ARHGEF33: variants seen among roughly 807,000 people sequenced by gnomAD.
ARHGEF33 encodes DH and coiled-coil domain-containing protein ENSP00000381780.
A neutral mutation model predicts 101.9 loss-of-function variants in ARHGEF33; 72 were observed. The observed-to-expected ratio is 0.71, with a 90% CI of 0.58 to 0.86. The LOEUF (loss-of-function observed/expected upper bound fraction) is 0.86. Among genes scored for constraint, ARHGEF33 ranks in the 40% least tolerant of loss-of-function variants. ARHGEF33 has a pLI of 0.00. For missense variants in ARHGEF33, 1,169 were observed against 1,111.3 expected (o/e 1.05, Z -0.74); for synonymous variants, 499 against 442.5 (o/e 1.13, Z -1.60).
At chr2:38,914,324 A>G (rs1438553149) in intron 2 of ARHGEF33, among the ~76,000 whole-genome samples, 1 of 152,226 alleles carries the variant, frequency 6.6e-6, no homozygotes. Context: ...CAGTGGAGAA[A>G]TGATTAACAC....
At chr2:38,931,960 G>A (rs1667014331) in intron 7 of ARHGEF33, among the ~76,000 whole-genome samples, 1 of 152,142 alleles carries the variant, frequency 6.6e-6, no homozygotes, top group Admixed American at 6.5e-5. Flanking sequence ...CTGTCAGTGT[G>A]TCAAAGACAG....
intron 4 of ARHGEF33, among the ~76,000 whole-genome samples, chr2:38,923,244 C>T (rs1037114942): frequency 6.6e-6 from 1 of 152,070 alleles, no homozygotes; most frequent in African/African-American, 2.4e-5. Context: ...TAACCCCATC[C>T]TTGTTTTAAA....
intron 10 of ARHGEF33, among the ~76,000 whole-genome samples, chr2:38,949,576 C>T (rs535678483): frequency 2.7e-4 from 41 of 152,056 alleles, no homozygotes; most frequent in Non-Finnish European, 5.3e-4. Context: ...AAAGGAGGTA[C>T]ATTGCAAGAT....
intron 2 of ARHGEF33, among the ~76,000 whole-genome samples, chr2:38,912,321 C>G (rs948773117): frequency 1.3e-5 from 2 of 152,196 alleles, no homozygotes; most frequent in East Asian, 1.9e-4. Flanking sequence ...TGAAGAATTA[C>G]TAGGCTCAGA....
chr2:38,939,532 G>T (rs1667246764), intron 9 of ARHGEF33, among the ~76,000 whole-genome samples: 1 of 152,232 alleles, frequency 6.6e-6, no homozygotes, highest in Admixed American at 6.5e-5. Flanking sequence ...TCTCAGGGAT[G>T]TGTACTGGTA....
intron 10 of ARHGEF33, among the ~76,000 whole-genome samples, chr2:38,948,576 AAGGGAGGAAGAAAGGG>A (rs1558438983): frequency 6.6e-6 from 1 of 151,946 alleles, no homozygotes; most frequent in Non-Finnish European, 1.5e-5. Flanking sequence ...GGGAGAGAGG[AAGGGAGGAAGAAAGGG>A]AGGGAGGGAG....
At chr2:38,952,763 A>G (rs1452604868) in intron 11 of ARHGEF33, among the ~76,000 whole-genome samples, 1 of 151,814 alleles carries the variant, frequency 6.6e-6, no homozygotes, top group Admixed American at 6.6e-5. Context: ...CAGTGGTGCA[A>G]TCTCGGCTCA....
chr2:38,938,139 G>A (rs938685394), intron 9 of ARHGEF33, among the ~76,000 whole-genome samples: 11 of 152,130 alleles, frequency 7.2e-5, no homozygotes, highest in African/African-American at 1.4e-4. Context: ...TCTTTTGACC[G>A]TTTTTTCTGG....
intron 1 of ARHGEF33, among the ~76,000 whole-genome samples, chr2:38,892,325 T>TA (rs1383552816): frequency 6.6e-6 from 1 of 152,146 alleles, no homozygotes; most frequent in South Asian, 2.1e-4. Flanking sequence ...TTATGCTCTC[T>TA]AAAAAAATCT....
intron 1 of ARHGEF33, 23 bp from the exon 2 acceptor site, chr2:38,895,753 CG>C (rs1434457274): frequency 6.8e-6 from 1 of 148,078 alleles, no homozygotes; most frequent in African/African-American, 2.5e-5. Context: ...TTATCAATGG[CG>C]TTTTTTTTTT....
At chr2:38,910,662 T>G (rs1477784977) in intron 2 of ARHGEF33, among the ~76,000 whole-genome samples, 2 of 152,252 alleles carry the variant, frequency 1.3e-5, no homozygotes, top group Non-Finnish European at 2.9e-5. Context: ...TTCTCTGAAT[T>G]GGTGGTTACA....
At chr2:38,939,392 TA>T (rs1019430743) in intron 9 of ARHGEF33, among the ~76,000 whole-genome samples, 2 of 152,178 alleles carry the variant, frequency 1.3e-5, no homozygotes, top group African/African-American at 4.8e-5. Context: ...TGTTTAACTT[TA>T]AAAGAAAATG....
intron 11 of ARHGEF33, among the ~76,000 whole-genome samples, chr2:38,951,386 C>T (rs1180823284): frequency 1.3e-5 from 2 of 152,178 alleles, no homozygotes; most frequent in Non-Finnish European, 2.9e-5. Context: ...TAGTTCATAA[C>T]TTTCCACTGT....
chr2:38,928,325 TA>T (rs1666918844), intron 4 of ARHGEF33, among the ~76,000 whole-genome samples: 1 of 152,146 alleles, frequency 6.6e-6, no homozygotes, highest in East Asian at 1.9e-4. Context: ...TTGCCTTCCT[TA>T]TGAGTTAAAG....
At chr2:38,929,957 C>G (rs147170388) in intron 6 of ARHGEF33, 127 bp downstream of exon 6, 1 of 712,822 alleles carries the variant, frequency 1.4e-6, no homozygotes, top group African/African-American at 1.8e-5. Context: ...GCTTGGCATG[C>G]GATGGAGGTT....
chr2:38,938,412 G>A (rs908376288), intron 9 of ARHGEF33, among the ~76,000 whole-genome samples: 1 of 152,178 alleles, frequency 6.6e-6, no homozygotes, highest in African/African-American at 2.4e-5. Flanking sequence ...CCTGGCATGT[G>A]CCTCTGGTCT....
In ARHGEF33 at chr2:38,937,628, G is replaced by A. The variant is rs894641362; in HGVS notation, c.790+69G>A. The A allele has an allele frequency of 1.2e-5, 11 of 946,734 alleles. No homozygotes were observed. In the African/African-American group the frequency reaches 1.6e-4, roughly 14 times the overall value. 58.6% of individuals were successfully genotyped at this position (946,734 alleles called of 1,614,324 possible). A position where few individuals can be genotyped will look rare whatever the true frequency, so the allele number is the denominator to read the frequency against. ...GATGTACCAGAGCTTTGAACTCAAA[G>A]GCGAGAATCCTTGCCGTTTAGATTC... is the stretch of plus-strand genomic sequence containing the variant. On this transcript the variant is annotated intron_variant, in intron 9 of 17. Transcript: ENST00000409978.
intron 16 of ARHGEF33, among the ~76,000 whole-genome samples, chr2:38,962,339 C>T (rs1242825986): frequency 6.6e-6 from 1 of 152,098 alleles, no homozygotes; most frequent in Non-Finnish European, 1.5e-5. Flanking sequence ...ACTTTTATTT[C>T]GTATGTAATA....
At chr2:38,936,372 A>G (rs1667129525) in intron 8 of ARHGEF33, among the ~76,000 whole-genome samples, 1 of 152,194 alleles carries the variant, frequency 6.6e-6, no homozygotes, top group South Asian at 2.1e-4. Flanking sequence ...AAATGGCCAA[A>G]TAAGACATTG....
Sources: allele counts gnomAD v4.1 joint callset (sites outside exome capture counted in the v4.1 genomes callset), GRCh38; gene constraint gnomAD v4.1.1; transcripts MANE v1.5; gene names NCBI Gene and HGNC (gene_info 2026-07-23, HGNC 2026-07-21).